Variants in SALL3 observed in about 807,000 individuals in gnomAD.
The protein encoded by SALL3 is spalt like transcription factor 3.
In SALL3, 25 loss-of-function variants were observed where a neutral mutation model predicts 66.2. The ratio of observed to expected loss-of-function variants is 0.38; its 90% confidence interval spans 0.28 to 0.53. The LOEUF (loss-of-function observed/expected upper bound fraction) is 0.53, where lower values mean the gene tolerates loss of function less well. Ranked by LOEUF, SALL3 falls within the 20% of genes least tolerant of loss-of-function variation. The pLI is 0.85. For synonymous variants in SALL3, 1,152 were observed against 899.1 expected (o/e 1.28, Z -5.03); for missense variants, 2,194 against 1,916.5 (o/e 1.14, Z -2.70).
chr18:78,992,835 G>A lies in SALL3; in HGVS notation c.844G>A (p.Ala282Thr). The A allele has an allele frequency of 1.0e-6, 1 of 980,080 alleles. No homozygotes were observed. The highest frequency in any genetic ancestry group is 1.2e-6 in the Non-Finnish European group (1 of 828,174). The allele number at this position is 980,080 out of a possible 1,614,324, so 60.7% of individuals were successfully genotyped here. The change falls in exon 2 of 3, where the codon GCC (alanine) becomes ACC (threonine). Residue 282 changes from alanine (A) to threonine (T), a missense_variant. By Grantham distance (58) the Ala-to-Thr change is moderately conservative. Transcript: ENST00000537592. ...CGCCATCGCGGGCTCGGGCCCCGCC[G>A]CCCCGGCCGCCTTCGAGGGCGCGCA... ...AAAIAGSGPA[A>T]PAAFEGAQPL...
Position 78,993,212 on chromosome 18 carries a change from C to T in SALL3, c.1221C>T (p.Phe407=). Residue 407 remains phenylalanine (F), a synonymous_variant, in exon 2 of 3, where the codon TTC becomes TTT. Coordinates refer to ENST00000537592, the MANE Select transcript of SALL3 (RefSeq NM_171999.4). Reference sequence around the variant, plus strand: ...GCAAGCCGCCCAATGTGTCGGTGTTCGAGCCCAAAGCCAGCGCCGAGGACC... The same window carrying T: ...GCAAGCCGCCCAATGTGTCGGTGTTTGAGCCCAAAGCCAGCGCCGAGGACC... ...RKGKPPNVSV[F]EPKASAEDPF... The T allele has an allele frequency of 1.2e-6, 2 of 1,611,218 alleles. No individual in the cohort carries two copies. The highest frequency in any genetic ancestry group is 1.7e-6 in the Non-Finnish European group (2 of 1,179,612).
Position 78,997,065 on chromosome 18 carries a change from G to C in SALL3, c.3646G>C (p.Ala1216Pro), listed in dbSNP as rs758515798. 1.9e-6 allele frequency: 3 copies of C among 1,614,030 alleles called. No homozygotes were observed. The highest frequency in any genetic ancestry group is 1.7e-6 in the Non-Finnish European group (2 of 1,180,052). ...NVDPSFWNQYAAAITNGLAMK... is the reference protein window; with the variant it reads ...NVDPSFWNQYPAAITNGLAMK... ...CGACCCCAGTTTTTGGAACCAGTAT[G>C]CTGCAGCCATCACTAACGGGCTCGC... Residue 1216 changes from alanine to proline, a missense_variant, in exon 3 of 3, where the codon GCT (alanine) becomes CCT (proline). Transcript: ENST00000537592.
chr18:78,984,485 C>A (rs1914173849), intron 1 of SALL3, among the ~76,000 whole-genome samples: 1 of 151,896 alleles, frequency 6.6e-6, no homozygotes, highest in South Asian at 2.1e-4. Flanking sequence ...CAGTAGTTGC[C>A]AGAATAAGAC....
chr18:78,994,213 G>C lies in SALL3; in HGVS notation c.2222G>C (p.Cys741Ser). 6.2e-7 allele frequency: 1 copy of C among 1,613,594 alleles called. No individual in the cohort carries two copies. The highest frequency in any genetic ancestry group is 2.2e-5 in the East Asian group (1 of 44,876). ...CCGCCCCTGCGCGTGCAGCACTCCT[G>C]CCCCATCTGCCAGAAGAAGTTCACC... is the stretch of plus-strand genomic sequence containing the variant. ...AKPPLRVQHS[C>S]PICQKKFTNA... The change falls in exon 2 of 3, where the codon TGC becomes TCC. Residue 741 changes from cysteine (C) to serine (S), a missense_variant. Transcript: ENST00000537592.
Position 78,993,771 on chromosome 18 carries a change from A to G in SALL3, c.1780A>G (p.Thr594Ala). 5 of 1,545,660 alleles carry G rather than the reference A, an allele frequency of 3.2e-6. No homozygotes were observed. Among genetic ancestry groups the G allele is most frequent in the Non-Finnish European group, 4.3e-6 (5 of 1,155,402 alleles). The change falls in exon 2 of 3, where the codon ACT becomes GCT. Residue 594 changes from threonine to alanine, a missense_variant. Thr to Ala is a moderately conservative substitution (Grantham distance 58, BLOSUM62 0). Coordinates refer to ENST00000537592, the MANE Select transcript of SALL3 (RefSeq NM_171999.4). ...GTCGCTCCTCGGCGGGCCGCCCCTC[A>G]CTAAAGCCGAGCCCGTCAGCCTGCC... is the stretch of plus-strand genomic sequence containing the variant. ...PQSLLGGPPL[T>A]KAEPVSLPCT...
rs942190993 is a variant in SALL3, at chr18:78,992,923, CCGCCGCCCCCAG to C, written c.942_953del (p.Ser315_Pro318del). On this transcript the variant is annotated inframe_deletion, in exon 2 of 3. Coordinates refer to ENST00000537592, the MANE Select transcript of SALL3 (RefSeq NM_171999.4). ...GGCGGCCCTGCGGAGCCCAGCGCGC[CCGCCGCCCCCAG>C]CGCCGCCCCTGCCCCCGCTGCCCCC... 35 of 998,362 alleles carry C rather than the reference CCGCCGCCCCCAG, an allele frequency of 3.5e-5. No individual in the cohort carries two copies. Among genetic ancestry groups the C allele is most frequent in the Middle Eastern group, 5.0e-4 (1 of 2,000 alleles). The allele number at this position is 998,362 out of a possible 1,614,324, so 61.8% of individuals were successfully genotyped here.
In SALL3 at chr18:78,992,940, GCCCCTGCCC is replaced by G. The variant is rs1599179159; in HGVS notation, c.952_960del (p.Pro318_Pro320del). 8.5e-6 allele frequency: 9 copies of G among 1,064,196 alleles called. No homozygotes were observed. The highest frequency in any genetic ancestry group is 1.0e-5 in the Non-Finnish European group (9 of 880,840). 65.9% of individuals were successfully genotyped at this position (1,064,196 alleles called of 1,614,324 possible). A position where few individuals can be genotyped will look rare whatever the true frequency, so the allele number is the denominator to read the frequency against. On this transcript the variant is annotated inframe_deletion, in exon 2 of 3. Coordinates refer to ENST00000537592, the MANE Select transcript of SALL3 (RefSeq NM_171999.4). ...CAGCGCGCCCGCCGCCCCCAGCGCCGCCCCTGCCCCCGCTGCCCCCGCCCCGGCGCCAGC... is the reference window on the plus strand; with the variant it reads ...CAGCGCGCCCGCCGCCCCCAGCGCCGCCGCTGCCCCCGCCCCGGCGCCAGC...
In SALL3 at chr18:78,993,362, C is replaced by T. The variant is rs369963976; in HGVS notation, c.1371C>T (p.Phe457=). The part of the protein sequence containing the change: ...PFKCNICGNR[F]STKGNLKVHF... ...AGTGCAACATCTGCGGGAACCGCTT[C>T]TCCACCAAAGGCAACCTGAAGGTGC... Residue 457 remains phenylalanine (F), a synonymous_variant, in exon 2 of 3, where the codon TTC becomes TTT. Transcript: ENST00000537592. 9 of 1,612,474 alleles carry T rather than the reference C, an allele frequency of 5.6e-6. 1 individual carries two copies. In the African/African-American group the frequency reaches 8.0e-5, roughly 14 times the overall value.
chr18:78,984,096 G>A (rs1451010996), intron 1 of SALL3, among the ~76,000 whole-genome samples: 2 of 152,210 alleles, frequency 1.3e-5, no homozygotes, highest in Non-Finnish European at 2.9e-5. Context: ...TGGAGTAACA[G>A]CAGGAATTAC....
rs1402237216 is a variant in SALL3 at position 78,993,000 on chromosome 18, C to T, written c.1009C>T (p.Pro337Ser). 1.8e-5 allele frequency: 27 copies of T among 1,482,256 alleles called. No homozygotes were observed. The highest frequency in any genetic ancestry group is 2.3e-5 in the Non-Finnish European group (26 of 1,125,636). The allele number at this position is 1,482,256 out of a possible 1,614,324, so 91.8% of individuals were successfully genotyped here. ...GCCGCAGAGCGCAGCCTCGTCGCAG[C>T]CGCAGAGCGCATCCACGCCGCCTGC... ...PAPQSAASSQ[P>S]QSASTPPALA... Residue 337 changes from proline (P) to serine (S), a missense_variant, in exon 2 of 3, where the codon CCG becomes TCG. Transcript: ENST00000537592.
At position 78,992,368 on chromosome 18, in the gene SALL3, C is replaced by T. The variant is rs1914470733; in HGVS notation, c.377C>T (p.Pro126Leu). 3.0e-6 allele frequency: 4 copies of T among 1,337,844 alleles called. No individual in the cohort carries two copies. Among genetic ancestry groups the T allele is most frequent in the East Asian group, 6.6e-5 (2 of 30,092 alleles). 82.9% of individuals were successfully genotyped at this position (1,337,844 alleles called of 1,614,324 possible). A position where few individuals can be genotyped will look rare whatever the true frequency, so the allele number is the denominator to read the frequency against. The change falls in exon 2 of 3, where the codon CCG (proline) becomes CTG (leucine). Residue 126 changes from proline to leucine, a missense_variant. Physicochemically the swap from Pro to Leu is moderately conservative, Grantham distance 98. Coordinates refer to ENST00000537592, the MANE Select transcript of SALL3 (RefSeq NM_171999.4). ...GAEGAEGEAR[P>L]VEKEAEPMDA... is the part of the protein sequence containing the mutation. ...GAGGGCGCGGAGGGCGAGGCCAGGC[C>T]GGTGGAGAAGGAGGCCGAGCCCATG... is the stretch of plus-strand genomic sequence containing the variant.
Position 78,994,835 on chromosome 18 carries a change from A to G in SALL3, c.2844A>G (p.Gly948=). ...PDSPAAAPGS[G]GAPGRAGIKE... ...GCCCAGCCGCCGCCCCGGGCAGCGG[A>G]GGCGCCCCTGGCCGCGCGGGCATCA... Residue 948 remains glycine (G), a synonymous_variant, in exon 2 of 3, where the codon GGA becomes GGG. Transcript: ENST00000537592. The G allele has an allele frequency of 6.3e-7, 1 of 1,597,694 alleles. No homozygotes were observed. Among genetic ancestry groups the G allele is most frequent in the Non-Finnish European group, 8.5e-7 (1 of 1,172,644 alleles).
chr18:78,981,469 C>G (rs1364248351), intron 1 of SALL3, among the ~76,000 whole-genome samples: 1 of 152,152 alleles, frequency 6.6e-6, no homozygotes, highest in Non-Finnish European at 1.5e-5. Context: ...GAGAATGAGA[C>G]TGTCTGCGAA....
In SALL3 at chr18:78,994,352, C is replaced by T; in HGVS notation, c.2361C>T (p.Asp787=). The T allele has an allele frequency of 6.2e-7, 1 of 1,613,564 alleles. No individual in the cohort carries two copies. Among genetic ancestry groups the T allele is most frequent in the Non-Finnish European group, 8.5e-7 (1 of 1,180,014 alleles). The change falls in exon 2 of 3, where the codon GAC becomes GAT. Residue 787 remains aspartate, a synonymous_variant. Transcript: ENST00000537592. ...DAMDSELAYD[D]KNAETLSSYD... ...TGGACTCCGAGCTGGCCTACGACGA[C>T]AAGAACGCGGAGACCCTGAGCAGCT...
chr18:78,991,944 C>T, intron 1 of SALL3, 130 bp from the exon 2 acceptor site: 2 of 699,046 alleles, frequency 2.9e-6, no homozygotes, highest in South Asian at 5.1e-5. Flanking sequence ...AGAATACGCA[C>T]GCTGGGACGT....
Position 78,992,729 on chromosome 18 carries a change from C to A in SALL3, c.738C>A (p.Ala246=), listed in dbSNP as rs763915189. The A allele has an allele frequency of 7.3e-7, 1 of 1,367,214 alleles. No homozygotes were observed. The highest frequency in any genetic ancestry group is 1.4e-5 in the South Asian group (1 of 71,270). The allele number at this position is 1,367,214 out of a possible 1,614,324, so 84.7% of individuals were successfully genotyped here. A position where few individuals can be genotyped will look rare whatever the true frequency, so the allele number is the denominator to read the frequency against. The change falls in exon 2 of 3, where the codon GCC becomes GCA. Residue 246 remains alanine (A), a synonymous_variant. Transcript: ENST00000537592. ...PPPRPSLSPA[A]APSAPGPAPS... The stretch of plus-strand genomic sequence containing the variant: ...CGCGGCCCTCACTCAGCCCCGCGGC[C>A]GCCCCGAGCGCACCGGGCCCGGCCC...
chr18:78,986,753 T>C (rs1290053200), intron 1 of SALL3, among the ~76,000 whole-genome samples: 1 of 152,194 alleles, frequency 6.6e-6, no homozygotes, highest in Non-Finnish European at 1.5e-5. Context: ...CTAAACAAAT[T>C]CTGCTTCTCT....
chr18:78,997,482 C>T lies in SALL3; in HGVS notation c.*160C>T, dbSNP rs1407898870. ...GGTCTTGTAAGCGCTGCATGGCGCT[C>T]CCTTCAACAGCAAGCCTGACTGTTC... On this transcript the variant is annotated 3_prime_UTR_variant, in exon 3 of 3. Transcript: ENST00000537592. 9.2e-6 allele frequency: 6 copies of T among 653,432 alleles called. No individual in the cohort carries two copies. The East Asian group carries it at 1.6e-4, about 18-fold the overall frequency. The allele number at this position is 653,432 out of a possible 1,614,324, so 40.5% of individuals were successfully genotyped here.
At chr18:78,995,506 GC>G in intron 2 of SALL3, 44 bp downstream of exon 2, 1 of 1,498,872 alleles carries the variant, frequency 6.7e-7, no homozygotes, top group South Asian at 1.3e-5. Context: ...GTGCGGCCGA[GC>G]CACGGTGGCT....
Sources: allele counts gnomAD v4.1 joint callset (sites outside exome capture counted in the v4.1 genomes callset), GRCh38; gene constraint gnomAD v4.1.1; transcripts MANE v1.5; gene names NCBI Gene and HGNC (gene_info 2026-07-23, HGNC 2026-07-21).